Variants in RALGAPB observed in about 807,000 individuals in gnomAD.
RALGAPB encodes the protein ral GTPase-activating protein subunit beta.
RALGAPB carries 25 observed loss-of-function variants against 161.1 expected under a neutral mutation model. The ratio of observed to expected loss-of-function variants is 0.16; its 90% CI spans 0.11 to 0.22. RALGAPB has a LOEUF of 0.22. RALGAPB is among the 10% of genes least tolerant of loss of function. The pLI, the probability that RALGAPB is intolerant of heterozygous loss-of-function variation, is 1.00. For synonymous variants in RALGAPB, 629 were observed against 626.1 expected (o/e 1.00, Z -0.07); for missense variants, 1,391 against 1,815.2 (o/e 0.77, Z 4.25).
intron 13 of RALGAPB, among the ~76,000 whole-genome samples, chr20:38,529,650 G>C (rs889702823): frequency 6.6e-6 from 1 of 152,006 alleles, no homozygotes; most frequent in African/African-American, 2.4e-5. Context: ...GGCCAAGATG[G>C]TGAAACCCCG....
At chr20:38,565,204 G>A (rs2087949386) in intron 24 of RALGAPB, among the ~76,000 whole-genome samples, 155 bp from the exon 25 acceptor site, 1 of 151,986 alleles carries the variant, frequency 6.6e-6, no homozygotes, top group Admixed American at 6.6e-5. Flanking sequence ...CATCTAATAA[G>A]CATTATATTT....
intron 28 of RALGAPB, among the ~76,000 whole-genome samples, chr20:38,571,201 A>G (rs1301239235): frequency 2.0e-5 from 3 of 152,050 alleles, no homozygotes; most frequent in Non-Finnish European, 4.4e-5. Context: ...CACTTAATTC[A>G]TTATTATTAT....
chr20:38,528,277 A>C (rs1485287888), intron 13 of RALGAPB, among the ~76,000 whole-genome samples: 1 of 152,132 alleles, frequency 6.6e-6, no homozygotes, highest in Non-Finnish European at 1.5e-5. Context: ...CTTTTACACC[A>C]GTTAAAAAAT....
At position 38,516,261 on chromosome 20, in the gene RALGAPB, T is replaced by C. The variant is rs753940593; in HGVS notation, c.942T>C (p.Asn314=). 2.7e-5 allele frequency: 43 copies of C among 1,613,596 alleles called. No homozygotes were observed. The highest frequency in any genetic ancestry group is 1.6e-4 in the South Asian group (15 of 90,968). The change falls in exon 7 of 30, where the codon AAT becomes AAC. Residue 314 remains asparagine (N), a synonymous_variant. Transcript: ENST00000262879. ...STPKFQEQFL[N]VSGMPQELNQ... is the part of the protein sequence containing the mutation. Reference sequence around the variant, plus strand: ...CCAAATTTCAGGAACAGTTCTTGAATGTGAGCGGAATGCCGCAAGAATTGA... The same window carrying C: ...CCAAATTTCAGGAACAGTTCTTGAACGTGAGCGGAATGCCGCAAGAATTGA...
intron 16 of RALGAPB, among the ~76,000 whole-genome samples, chr20:38,539,538 G>A (rs1014303132): frequency 2.6e-5 from 4 of 152,160 alleles, no homozygotes; most frequent in Admixed American, 2.6e-4. Flanking sequence ...TTGGGTTTTA[G>A]GGCATGAAAA....
chr20:38,525,292 A>G (rs1010284819), intron 11 of RALGAPB, 112 bp from the exon 12 acceptor site: 1 of 750,326 alleles, frequency 1.3e-6, no homozygotes, highest in Non-Finnish European at 2.3e-6. Context: ...GAAATATACA[A>G]TATACAAATA....
intron 26 of RALGAPB, chr20:38,569,004 C>T (rs2088119579): frequency 6.6e-6 from 1 of 152,074 alleles, no homozygotes; most frequent in Non-Finnish European, 1.5e-5. Context: ...AGAAAGTAGT[C>T]TGTGAATATG....
In RALGAPB at chr20:38,521,710, T is replaced by G; in HGVS notation, c.1619+12T>G. ...GCTTATTTATCCAGGTCTTGGAATT[T>G]TTGTTTGTTTTTTCATTTATATAGT... On this transcript the variant is annotated intron_variant, in intron 10 of 29. Coordinates refer to ENST00000262879, the MANE Select transcript of RALGAPB (RefSeq NM_020336.4). The G allele has an allele frequency of 6.2e-7, 1 of 1,611,872 alleles. No homozygotes were observed. The highest frequency in any genetic ancestry group is 8.5e-7 in the Non-Finnish European group (1 of 1,179,202).
At chr20:38,518,382 A>G (rs2086194888) in intron 9 of RALGAPB, among the ~76,000 whole-genome samples, 1 of 152,218 alleles carries the variant, frequency 6.6e-6, no homozygotes, top group South Asian at 2.1e-4. Flanking sequence ...TTCGATTTTG[A>G]CAGCCATTCA....
chr20:38,480,106 C>G (rs528198532), intron 1 of RALGAPB, among the ~76,000 whole-genome samples: 1 of 151,602 alleles, frequency 6.6e-6, no homozygotes, highest in African/African-American at 2.4e-5. Context: ...CTCAGGTTCC[C>G]GAATAGCTGG....
Position 38,578,491 on chromosome 20 carries a change from C to G in RALGAPB, c.*3524C>G, listed in dbSNP as rs372523842. 1.3e-5 allele frequency: 2 copies of G among 152,598 alleles called. No individual in the cohort carries two copies. Among genetic ancestry groups the G allele is most frequent in the East Asian group, 3.9e-4 (2 of 5,190 alleles). The allele number at this position is 152,598 out of a possible 1,614,324, so 9.5% of individuals were successfully genotyped here. ...CAAACCAAGTTTCCCAAGTCCTCAT[C>G]TCTTATAGTGACCAAGACATCTTTC... On this transcript the variant is annotated 3_prime_UTR_variant, in exon 30 of 30. Coordinates refer to ENST00000262879, the MANE Select transcript of RALGAPB (RefSeq NM_020336.4).
chr20:38,558,562 TGA>T (rs1341720973), intron 23 of RALGAPB, 109 bp downstream of exon 23: 9 of 1,034,830 alleles, frequency 8.7e-6, no homozygotes, highest in Non-Finnish European at 1.1e-5. Flanking sequence ...GGGCCAGAGT[TGA>T]GGACTGCAGC....
chr20:38,570,918 G>T, intron 28 of RALGAPB, 71 bp downstream of exon 28: 1 of 1,026,642 alleles, frequency 9.7e-7, no homozygotes, highest in South Asian at 1.5e-5. Context: ...TAATAAATAA[G>T]GAATTATGAA....
intron 18 of RALGAPB, among the ~76,000 whole-genome samples, chr20:38,545,380 C>T (rs1601006399): frequency 6.6e-6 from 1 of 151,958 alleles, no homozygotes; most frequent in Non-Finnish European, 1.5e-5. Context: ...TATAACAATC[C>T]TATCAGATAG....
chr20:38,574,565 A>T (rs1392219991), intron 29 of RALGAPB, among the ~76,000 whole-genome samples: 1 of 152,158 alleles, frequency 6.6e-6, no homozygotes, highest in Non-Finnish European at 1.5e-5. Context: ...AGGTTTTTAG[A>T]ATAGATTTTG....
At chr20:38,502,209 A>G (rs945083240) in intron 5 of RALGAPB, among the ~76,000 whole-genome samples, 9 of 151,960 alleles carry the variant, frequency 5.9e-5, no homozygotes, top group African/African-American at 1.9e-4. Flanking sequence ...TTCACTGAAA[A>G]CTCCATGTGA....
intron 1 of RALGAPB, among the ~76,000 whole-genome samples, chr20:38,475,342 G>GTC (rs1404920982): frequency 6.6e-6 from 1 of 152,150 alleles, no homozygotes; most frequent in African/African-American, 2.4e-5. Context: ...CACAGGAATT[G>GTC]ACAAATTTAG....
At chr20:38,519,519 C>CT (rs1175780096) in intron 9 of RALGAPB, among the ~76,000 whole-genome samples, 2 of 152,098 alleles carry the variant, frequency 1.3e-5, no homozygotes, top group African/African-American at 2.4e-5. Flanking sequence ...TTAAAGGGAA[C>CT]TTATAGATCT....
intron 5 of RALGAPB, among the ~76,000 whole-genome samples, chr20:38,500,593 A>G (rs764786630): frequency 6.6e-6 from 1 of 152,162 alleles, no homozygotes; most frequent in South Asian, 2.1e-4. Context: ...AATGGCCTCA[A>G]AGTGGTCGAG....
Sources: allele counts gnomAD v4.1 joint callset (sites outside exome capture counted in the v4.1 genomes callset), GRCh38; gene constraint gnomAD v4.1.1; transcripts MANE v1.5; gene names NCBI Gene and HGNC (gene_info 2026-07-23, HGNC 2026-07-21).